FAM171A1: variants seen among roughly 807,000 people sequenced by gnomAD.
The protein encoded by FAM171A1 is family with sequence similarity 171 member A1.
FAM171A1 carries 23 observed loss-of-function variants against 74.9 expected under a neutral mutation model. That is an observed-to-expected ratio of 0.31 (90% CI 0.22 to 0.44). The LOEUF (loss-of-function observed/expected upper bound fraction) is 0.44. Among genes scored for constraint, FAM171A1 ranks in the 20% least tolerant of loss-of-function variants. The probability of loss-of-function intolerance (pLI) is 1.00; values close to 1 mark genes in which losing one functional copy is unlikely to be tolerated. For synonymous variants in FAM171A1, 527 were observed against 505.7 expected, an observed-to-expected ratio of 1.04 and a Z score of -0.57; for missense variants, 1,162 against 1,159.2, an observed-to-expected ratio of 1.00 and a Z score of -0.03.
At chr10:15,263,326 A>C (rs1416004942) in intron 3 of FAM171A1, among the ~76,000 whole-genome samples, 1 of 152,198 alleles carries the variant, frequency 6.6e-6, no homozygotes, top group East Asian at 1.9e-4. Flanking sequence ...CCTTACCAGA[A>C]ATAATCTGGG....
chr10:15,341,511 G>A (rs1835763911), intron 1 of FAM171A1, among the ~76,000 whole-genome samples: 2 of 152,190 alleles, frequency 1.3e-5, no homozygotes, highest in Non-Finnish European at 2.9e-5. Flanking sequence ...GCTCTACTAT[G>A]CATTAAAGAA....
chr10:15,289,692 A>T (rs570270818), intron 1 of FAM171A1, among the ~76,000 whole-genome samples: 1 of 152,260 alleles, frequency 6.6e-6, no homozygotes, highest in South Asian at 2.1e-4. Context: ...ATGCGTCCCC[A>T]CTGTCACCTG....
At chr10:15,319,745 T>C (rs1564277091) in intron 1 of FAM171A1, among the ~76,000 whole-genome samples, 3 of 152,152 alleles carry the variant, frequency 2.0e-5, no homozygotes, top group South Asian at 4.1e-4. Flanking sequence ...TCCAGGGATT[T>C]TGAACCTAGA....
chr10:15,301,737 A>G (rs905624697), intron 1 of FAM171A1, among the ~76,000 whole-genome samples: 3 of 152,184 alleles, frequency 2.0e-5, no homozygotes, highest in African/African-American at 7.2e-5. Flanking sequence ...CACTCTGGCT[A>G]CTACTGCTGC....
At chr10:15,272,927 C>T (rs1306918407) in intron 3 of FAM171A1, among the ~76,000 whole-genome samples, 4 of 152,140 alleles carry the variant, frequency 2.6e-5, no homozygotes, top group Non-Finnish European at 5.9e-5. Context: ...TAAAAGTCCA[C>T]AAGAGAAAAC....
intron 5 of FAM171A1, among the ~76,000 whole-genome samples, chr10:15,243,577 T>C (rs941049147): frequency 2.6e-5 from 4 of 152,100 alleles, no homozygotes; most frequent in African/African-American, 9.7e-5. Flanking sequence ...GGCTTCCTTA[T>C]ATTAGGAGCC....
chr10:15,367,158 C>T (rs1157353131), intron 1 of FAM171A1, among the ~76,000 whole-genome samples: 3 of 152,150 alleles, frequency 2.0e-5, no homozygotes, highest in African/African-American at 7.2e-5. Flanking sequence ...GAGATCACGC[C>T]ACTGCACTCC....
chr10:15,273,717 A>T (rs1834857256), intron 3 of FAM171A1, among the ~76,000 whole-genome samples: 1 of 152,212 alleles, frequency 6.6e-6, no homozygotes, highest in South Asian at 2.1e-4. Flanking sequence ...CTGGGATGCA[A>T]GACTGGTTCA....
rs372516090 is a variant in FAM171A1 at position 15,225,157 on chromosome 10, G to C, written c.755-4097C>G. On this transcript the variant is annotated intron_variant, in intron 5 of 7. Transcript: ENST00000378116. ...CTTTCTTAGATCGTAAACTCCATGG[G>C]TGTGGCCTGTGTCTTGCGTTCCTTT... Among the ~76,000 whole-genome samples, 7 of 152,316 alleles carry C rather than the reference G, an allele frequency of 4.6e-5. No individual in the cohort carries two copies. In the East Asian group the frequency reaches 5.8e-4, roughly 13 times the overall value.
intron 4 of FAM171A1, among the ~76,000 whole-genome samples, chr10:15,253,293 C>T (rs182327318): frequency 2.8e-3 from 429 of 152,252 alleles, no homozygotes; most frequent in Non-Finnish European, 4.8e-3. Flanking sequence ...CATGAGCCAC[C>T]GCACCCAGCC....
chr10:15,370,957 T>G lies in FAM171A1; in HGVS notation c.96A>C (p.Gln32His), dbSNP rs1163633252. The change falls in exon 1 of 8, where the codon CAA becomes CAC. Residue 32 changes from glutamine (Q) to histidine (H), a missense_variant and splice_region_variant. Physicochemically the swap from Gln to His is conservative, Grantham distance 24. Transcript: ENST00000378116. ...CCGGCCCCGCCGCCGCCCACTGACC[T>G]TGGGCTCCGGCGCCGGGCTCCCGCA... The part of the protein sequence containing the change: ...KTLREPGAGA[Q>H]EVTLKVHISD... 5 of 1,162,408 alleles carry G rather than the reference T, an allele frequency of 4.3e-6. No homozygotes were observed. In the African/African-American group the frequency reaches 8.7e-5, roughly 20 times the overall value. The allele number at this position is 1,162,408 out of a possible 1,614,324, so 72.0% of individuals were successfully genotyped here.
At chr10:15,305,664 TAAAAAAAAAA>T (rs59843893) in intron 1 of FAM171A1, among the ~76,000 whole-genome samples, 13 of 52,940 alleles carry the variant, frequency 2.5e-4, no homozygotes, top group African/African-American at 5.9e-4. Context: ...GAGATCTGGC[TAAAAAAAAAA>T]AAAAAAAAAA....
At chr10:15,295,479 A>G (rs7080222) in intron 1 of FAM171A1, among the ~76,000 whole-genome samples, 121,082 of 152,154 alleles carry the variant, frequency 0.8, 48,499 homozygotes, top group East Asian at 0.92. Flanking sequence ...CTCTGGCCCT[A>G]TCTTAAAAGG....
At chr10:15,361,853 T>C (rs1023776436) in intron 1 of FAM171A1, among the ~76,000 whole-genome samples, 6 of 152,162 alleles carry the variant, frequency 3.9e-5, no homozygotes, top group African/African-American at 9.7e-5. Context: ...AGATAGTACA[T>C]CTAAGAAAAT....
Position 15,213,213 on chromosome 10 carries a change from T to C in FAM171A1, c.2375A>G (p.Asp792Gly). The change falls in exon 8 of 8, where the codon GAT becomes GGT. Residue 792 changes from aspartate (D) to glycine (G), a missense_variant. Coordinates refer to ENST00000378116, the MANE Select transcript of FAM171A1 (RefSeq NM_001010924.2). This position sits in a 1 kb window ranked among gnomAD's most constrained non-coding sequence, Gnocchi z 6.8. ...TTCGCTACCACTCTGTTCCACGTCA[T>C]CCAGGTACACGAGCTGCGTGTAGGC... ...STAYTQLVYL[D>G]DVEQSGSECG... 6.2e-7 allele frequency: 1 copy of C among 1,614,114 alleles called. No individual in the cohort carries two copies. The highest frequency in any genetic ancestry group is 8.5e-7 in the Non-Finnish European group (1 of 1,180,024).
At chr10:15,294,930 T>C (rs1202224361) in intron 1 of FAM171A1, among the ~76,000 whole-genome samples, 1 of 152,158 alleles carries the variant, frequency 6.6e-6, no homozygotes. Context: ...TGTTTTGTTT[T>C]TTGAGACAGA....
intron 3 of FAM171A1, among the ~76,000 whole-genome samples, chr10:15,265,281 G>A (rs891130818): frequency 3.9e-5 from 6 of 152,024 alleles, no homozygotes; most frequent in African/African-American, 1.4e-4. Flanking sequence ...GTGTGTTTGT[G>A]TGTGTACTGT....
chr10:15,280,401 C>T (rs776489280), intron 2 of FAM171A1, among the ~76,000 whole-genome samples: 1 of 152,222 alleles, frequency 6.6e-6, no homozygotes, highest in African/African-American at 2.4e-5. Context: ...TGCCATGGTC[C>T]TGGACCATCG....
chr10:15,309,504 G>A (rs1383586086), intron 1 of FAM171A1, among the ~76,000 whole-genome samples: 2 of 152,254 alleles, frequency 1.3e-5, no homozygotes, highest in African/African-American at 4.8e-5. Context: ...CTGTGCCTGG[G>A]CAAGTTTATC....
Sources: allele counts gnomAD v4.1 joint callset (sites outside exome capture counted in the v4.1 genomes callset), GRCh38; gene constraint gnomAD v4.1.1; non-coding constraint Gnocchi (gnomAD v3.1); transcripts MANE v1.5; gene names NCBI Gene and HGNC (gene_info 2026-07-23, HGNC 2026-07-21).